The following SPACA7 variants were observed in gnomAD, a reference collection of about 807,000 sequenced individuals.
SPACA7 encodes the protein sperm acrosome associated 7.
In SPACA7, 19 loss-of-function variants were observed where a neutral mutation model predicts 26.3. The observed-to-expected ratio is 0.72, with a 90% CI of 0.50 to 1.06. The LOEUF (loss-of-function observed/expected upper bound fraction) is 1.06. SPACA7 is among the 50% of genes least tolerant of loss of function. The pLI is 0.00. For synonymous variants in SPACA7, 84 were observed against 84.5 expected, an observed-to-expected ratio of 0.99 and a Z score of 0.04; for missense variants, 211 against 229.9, an observed-to-expected ratio of 0.92 and a Z score of 0.53.
intron 5 of SPACA7, among the ~76,000 whole-genome samples, chr13:112,419,877 C>A (rs1483027449): frequency 1.3e-5 from 2 of 152,170 alleles, no homozygotes; most frequent in Admixed American, 6.5e-5. Flanking sequence ...GAGAAAGAAA[C>A]CCGCTCTGCC....
At chr13:112,418,447 A>T (rs1438622286) in intron 5 of SPACA7, among the ~76,000 whole-genome samples, 1 of 151,952 alleles carries the variant, frequency 6.6e-6, no homozygotes, top group African/African-American at 2.4e-5. Context: ...GTAGATAAAA[A>T]ACCATCTACC....
chr13:112,398,851 G>T (rs1293867602), intron 3 of SPACA7, among the ~76,000 whole-genome samples: 3 of 152,176 alleles, frequency 2.0e-5, no homozygotes, highest in Non-Finnish European at 2.9e-5. Context: ...TGGTTCACCT[G>T]CCATCTGCCA....
At chr13:112,390,207 G>A (rs1225963658) in intron 1 of SPACA7, among the ~76,000 whole-genome samples, 2 of 152,138 alleles carry the variant, frequency 1.3e-5, no homozygotes, top group Non-Finnish European at 2.9e-5. Flanking sequence ...ATTAGATGGT[G>A]AGAAGAGAAC....
At chr13:112,401,973 T>C (rs2138963782) in intron 5 of SPACA7, among the ~76,000 whole-genome samples, 1 of 152,304 alleles carries the variant, frequency 6.6e-6, no homozygotes, top group East Asian at 1.9e-4. Flanking sequence ...TTATTCAGAG[T>C]GTATTTTAAC....
intron 1 of SPACA7, among the ~76,000 whole-genome samples, chr13:112,379,894 T>A (rs1177063780): frequency 6.6e-6 from 1 of 152,202 alleles, no homozygotes; most frequent in East Asian, 1.9e-4. Flanking sequence ...AGCTATCCAT[T>A]TAAGTTAAAT....
Position 112,376,397 on chromosome 13 carries a change from C to T in SPACA7, c.12C>T (p.Ser4=), listed in dbSNP as rs530324782. The part of the protein sequence containing the change: MAV[S]QGDGTLCFVL... ...CAGCTGGAGGGAGCATGGCAGTGAGCCAAGGAGACGGGACCCTCTGCTTTG... is the reference window on the plus strand; with the variant it reads ...CAGCTGGAGGGAGCATGGCAGTGAGTCAAGGAGACGGGACCCTCTGCTTTG... The change falls in exon 1 of 7, where the codon AGC becomes AGT. Residue 4 remains serine, a synonymous_variant. Coordinates refer to ENST00000283550, the MANE Select transcript of SPACA7 (RefSeq NM_145248.5). The T allele has an allele frequency of 2.5e-6, 4 of 1,613,530 alleles. No homozygotes were observed. In the East Asian group the frequency reaches 8.9e-5, roughly 36 times the overall value.
chr13:112,429,043 A>G (rs1876811012), intron 5 of SPACA7, among the ~76,000 whole-genome samples: 1 of 152,180 alleles, frequency 6.6e-6, no homozygotes, highest in African/African-American at 2.4e-5. Context: ...TTGGTGAATA[A>G]ACCTGTAGGA....
chr13:112,405,044 G>A (rs1322020179), intron 5 of SPACA7, among the ~76,000 whole-genome samples: 7 of 139,054 alleles, frequency 5.0e-5, no homozygotes, highest in Admixed American at 7.7e-5. Context: ...GTGCAGTGGC[G>A]CTATCTCGGC....
At chr13:112,395,684 G>A (rs1885199200) in intron 2 of SPACA7, among the ~76,000 whole-genome samples, 1 of 152,112 alleles carries the variant, frequency 6.6e-6, no homozygotes, top group Admixed American at 6.5e-5. Flanking sequence ...TGGCCAGGCT[G>A]GTCTCAAAGT....
At chr13:112,424,706 G>C (rs1382027311) in intron 5 of SPACA7, among the ~76,000 whole-genome samples, 3 of 152,110 alleles carry the variant, frequency 2.0e-5, no homozygotes, top group Non-Finnish European at 2.9e-5. Flanking sequence ...TTTACCAAAA[G>C]CCAAATGGAA....
chr13:112,403,633 C>A (rs954632893), intron 5 of SPACA7, among the ~76,000 whole-genome samples: 1 of 152,144 alleles, frequency 6.6e-6, no homozygotes, highest in Non-Finnish European at 1.5e-5. Flanking sequence ...GCCTTTCCAT[C>A]CTCATAGCTT....
At chr13:112,415,053 T>A (rs1886600629) in intron 5 of SPACA7, among the ~76,000 whole-genome samples, 1 of 152,338 alleles carries the variant, frequency 6.6e-6, no homozygotes, top group African/African-American at 2.4e-5. Flanking sequence ...TAAGTCCAGT[T>A]ACACTGCAAA....
In SPACA7 at chr13:112,413,509, T is replaced by C. The variant is rs571105684; in HGVS notation, c.445+12345T>C. Among the ~76,000 whole-genome samples the C allele has an allele frequency of 1.6e-3, 251 of 152,284 alleles. 1 individual carries two copies. The highest frequency in any genetic ancestry group is 5.9e-3 in the African/African-American group (245 of 41,558). On this transcript the variant is annotated intron_variant, in intron 5 of 6. Coordinates refer to ENST00000283550, the MANE Select transcript of SPACA7 (RefSeq NM_145248.5). ...TTATTTTATCTTGCTTCTTTTATAA[T>C]CCTTTCTTTGTCCTTTACATTTGAG...
chr13:112,390,762 G>A (rs971691903), intron 1 of SPACA7, among the ~76,000 whole-genome samples: 11 of 152,178 alleles, frequency 7.2e-5, no homozygotes, highest in East Asian at 3.9e-4. Flanking sequence ...CAAGGGGGAC[G>A]CCAGCCCCCG....
At chr13:112,392,585 T>C (rs534617381) in intron 1 of SPACA7, among the ~76,000 whole-genome samples, 1 of 152,320 alleles carries the variant, frequency 6.6e-6, no homozygotes, top group South Asian at 2.1e-4. Flanking sequence ...TCCAGGTGCA[T>C]GCACTGTGGG....
At chr13:112,428,775 T>G (rs1487780212) in intron 5 of SPACA7, among the ~76,000 whole-genome samples, 2 of 152,192 alleles carry the variant, frequency 1.3e-5, no homozygotes, top group Non-Finnish European at 2.9e-5. Context: ...TATAGTGTGC[T>G]TTAGCAAATA....
intron 5 of SPACA7, among the ~76,000 whole-genome samples, chr13:112,413,368 GT>G (rs34886428): frequency 0.097 from 14,310 of 147,892 alleles, 1,544 homozygotes; most frequent in East Asian, 0.28. Context: ...TGGAAGAGTT[GT>G]TTTTTTTTTT....
intron 5 of SPACA7, among the ~76,000 whole-genome samples, chr13:112,406,543 G>T (rs985096398): frequency 2.0e-5 from 3 of 152,086 alleles, no homozygotes; most frequent in Non-Finnish European, 4.4e-5. Flanking sequence ...CTAAAAATTA[G>T]CAAGGGACTT....
intron 4 of SPACA7, among the ~76,000 whole-genome samples, chr13:112,400,242 C>T (rs994844931): frequency 1.3e-5 from 2 of 152,196 alleles, no homozygotes; most frequent in African/African-American, 4.8e-5. Flanking sequence ...AGAGTCCCCC[C>T]AATAAGACAG....
Sources: gnomAD v4.1 joint callset for allele counts (sites outside exome capture counted in the v4.1 genomes callset) on GRCh38, gnomAD v4.1.1 for gene constraint, MANE v1.5 for transcripts, NCBI Gene and HGNC (gene_info 2026-07-23, HGNC 2026-07-21) for gene names.